CNTNAP2: variants seen among roughly 807,000 people sequenced by gnomAD.
CNTNAP2 encodes the protein contactin associated protein 2, also known as contactin-associated protein-like 2.
A neutral mutation model predicts 155.2 loss-of-function variants in CNTNAP2; 98 were observed. The ratio of observed to expected loss-of-function variants is 0.63; its 90% CI spans 0.54 to 0.75. The LOEUF is 0.75. Ranked by LOEUF, CNTNAP2 falls within the 30% of genes least tolerant of loss-of-function variation. CNTNAP2 has a pLI of 0.00. For synonymous variants in CNTNAP2, 651 were observed against 631.2 expected (o/e 1.03, Z -0.47); for missense variants, 1,727 against 1,688.1 (o/e 1.02, Z -0.40).
intron 11 of CNTNAP2, among the ~76,000 whole-genome samples, chr7:147,523,410 C>A (rs533429880): frequency 6.6e-6 from 1 of 152,256 alleles, no homozygotes; most frequent in African/African-American, 2.4e-5. Context: ...GTATTGTATT[C>A]TTTGGAAGCA....
intron 14 of CNTNAP2, among the ~76,000 whole-genome samples, chr7:147,915,570 A>ATTC (rs1800144222): frequency 5.9e-5 from 9 of 152,300 alleles, no homozygotes; most frequent in Admixed American, 5.9e-4. Flanking sequence ...GTGTGTGTAT[A>ATTC]AAATAAAATG....
intron 8 of CNTNAP2, among the ~76,000 whole-genome samples, chr7:147,278,806 T>C (rs1158731606): frequency 2.0e-5 from 3 of 151,478 alleles, no homozygotes; most frequent in South Asian, 4.1e-4. Flanking sequence ...TTTCGTATAA[T>C]GTTAAGTAAT....
chr7:147,448,226 T>C (rs753407727), intron 10 of CNTNAP2, among the ~76,000 whole-genome samples: 1 of 152,160 alleles, frequency 6.6e-6, no homozygotes, highest in African/African-American at 2.4e-5. Flanking sequence ...TTAATGTTTG[T>C]AGTTTTTAAT....
In CNTNAP2 at chr7:147,842,566, T is replaced by C. The variant is rs574167529; in HGVS notation, c.2099-60999T>C. 2.6e-4 allele frequency among the ~76,000 whole-genome samples: 37 copies of C among 143,040 alleles called. No homozygotes were observed. The South Asian group carries it at 7.2e-3, about 28-fold the overall frequency. 93.8% of individuals were successfully genotyped at this position (143,040 alleles called of 152,430 possible). A position where few individuals can be genotyped will look rare whatever the true frequency, so the allele number is the denominator to read the frequency against. ...TATTTCAGTTGCATTTCTTTTTTTT[T>C]TTTTTTTACTTTTTACTTTTCTTTT... is the stretch of plus-strand genomic sequence containing the variant. On this transcript the variant is annotated intron_variant, in intron 13 of 23. Coordinates refer to ENST00000361727, the MANE Select transcript of CNTNAP2 (RefSeq NM_014141.6).
At chr7:148,107,237 C>T (rs377164777) in intron 15 of CNTNAP2, among the ~76,000 whole-genome samples, 39 of 152,280 alleles carry the variant, frequency 2.6e-4, no homozygotes, top group African/African-American at 8.7e-4. Context: ...CCACAAGCCC[C>T]AGAACCTGGC....
intron 13 of CNTNAP2, among the ~76,000 whole-genome samples, chr7:147,882,606 G>A (rs917486986): frequency 6.6e-6 from 1 of 152,186 alleles, no homozygotes; most frequent in Non-Finnish European, 1.5e-5. Flanking sequence ...AGGTAGGAAG[G>A]CTTCCGAGTC....
chr7:146,661,778 C>T (rs1384216220), intron 1 of CNTNAP2, among the ~76,000 whole-genome samples: 5 of 147,120 alleles, frequency 3.4e-5, no homozygotes, highest in Non-Finnish European at 5.9e-5. Context: ...ATGTACAGAT[C>T]ATTGTGTAGG....
At chr7:147,655,222 A>C (rs992482373) in intron 13 of CNTNAP2, among the ~76,000 whole-genome samples, 11 of 152,036 alleles carry the variant, frequency 7.2e-5, no homozygotes, top group Non-Finnish European at 1.3e-4. Context: ...TCCTGGATTC[A>C]AGCAATTCTC....
intron 8 of CNTNAP2, among the ~76,000 whole-genome samples, chr7:147,288,355 A>T (rs1318117528): frequency 6.6e-6 from 1 of 152,196 alleles, no homozygotes; most frequent in African/African-American, 2.4e-5. Flanking sequence ...GGCACCTCAA[A>T]CTATGCCAGT....
intron 15 of CNTNAP2, among the ~76,000 whole-genome samples, chr7:148,061,996 TAGATAGATAGATGATAG>T (rs1563185564): frequency 1.3e-4 from 15 of 119,736 alleles, no homozygotes; most frequent in African/African-American, 5.7e-4. Context: ...GATAGATAGA[TAGATAGATAGATGATAG>T]AGAGAGAGAG....
At chr7:148,062,084 A>G (rs1803168320) in intron 15 of CNTNAP2, among the ~76,000 whole-genome samples, 2 of 144,788 alleles carry the variant, frequency 1.4e-5, no homozygotes, top group South Asian at 2.2e-4. Context: ...TGTTTAGTCC[A>G]TGGCAGTGGA....
At chr7:146,815,893 A>C (rs1347802647) in intron 2 of CNTNAP2, among the ~76,000 whole-genome samples, 1 of 152,096 alleles carries the variant, frequency 6.6e-6, no homozygotes, top group Non-Finnish European at 1.5e-5. Context: ...ATTTCTCTTA[A>C]TGATATCCCT....
intron 1 of CNTNAP2, among the ~76,000 whole-genome samples, chr7:146,147,549 C>T (rs575206724): frequency 1.3e-5 from 2 of 152,134 alleles, no homozygotes; most frequent in East Asian, 3.9e-4. Flanking sequence ...TTCTATTTTT[C>T]CCTAGGCATA....
intron 1 of CNTNAP2, among the ~76,000 whole-genome samples, chr7:146,181,783 C>T (rs1798552738): frequency 6.6e-6 from 1 of 151,910 alleles, no homozygotes; most frequent in Non-Finnish European, 1.5e-5. Flanking sequence ...AAGTCTTGTC[C>T]CACAAAAAAA....
chr7:146,273,372 C>T (rs1800115356), intron 1 of CNTNAP2, among the ~76,000 whole-genome samples: 1 of 151,970 alleles, frequency 6.6e-6, no homozygotes, highest in Non-Finnish European at 1.5e-5. Flanking sequence ...TGATTTTGAA[C>T]AGGAGTTGAT....
At chr7:147,229,365 T>A (rs139515126) in intron 8 of CNTNAP2, among the ~76,000 whole-genome samples, 2 of 152,304 alleles carry the variant, frequency 1.3e-5, no homozygotes, top group African/African-American at 2.4e-5. Flanking sequence ...AATAAAAGCA[T>A]TGAGGATGTG....
intron 1 of CNTNAP2, among the ~76,000 whole-genome samples, chr7:146,657,513 A>G (rs934825210): frequency 1.3e-5 from 2 of 152,052 alleles, no homozygotes; most frequent in Non-Finnish European, 2.9e-5. Flanking sequence ...TTATTTCTTT[A>G]ACCACATTGT....
intron 1 of CNTNAP2, among the ~76,000 whole-genome samples, chr7:146,427,971 G>A (rs984645469): frequency 1.3e-5 from 2 of 152,134 alleles, no homozygotes; most frequent in Middle Eastern, 3.4e-3. Context: ...CAGCTCCCAC[G>A]TATGCGTGAG....
intron 1 of CNTNAP2, among the ~76,000 whole-genome samples, chr7:146,505,464 G>T (rs1446664780): frequency 6.6e-6 from 1 of 152,214 alleles, no homozygotes; most frequent in African/African-American, 2.4e-5. Flanking sequence ...AGCACCCCAT[G>T]GTTCCTTTGG....
Sources: allele counts gnomAD v4.1 joint callset (sites outside exome capture counted in the v4.1 genomes callset), GRCh38; gene constraint gnomAD v4.1.1; transcripts MANE v1.5; gene names NCBI Gene and HGNC (gene_info 2026-07-23, HGNC 2026-07-21).